SYNJ2: variants seen among roughly 807,000 people sequenced by gnomAD.
SYNJ2 encodes the protein polyphosphatidylinositol phosphatase SYNJ2.
SYNJ2 carries 116 observed loss-of-function variants against 141.3 expected under a neutral mutation model. That is an observed-to-expected ratio of 0.82 (90% CI 0.71 to 0.96). The LOEUF is 0.96. Ranked by LOEUF, SYNJ2 falls within the 40% of genes least tolerant of loss-of-function variation. SYNJ2 has a pLI of 0.00. For synonymous variants in SYNJ2, 745 were observed against 777.7 expected (o/e 0.96, Z 0.70); for missense variants, 1,873 against 1,934.8 (o/e 0.97, Z 0.60).
At chr6:158,006,697 G>A (rs376928883) in intron 1 of SYNJ2, among the ~76,000 whole-genome samples, 1 of 152,294 alleles carries the variant, frequency 6.6e-6, no homozygotes, top group East Asian at 1.9e-4. Flanking sequence ...GTTTGAGACG[G>A]AGTCTCACTC....
At chr6:158,093,926 C>T (rs767516723) in intron 26 of SYNJ2, 1 of 765,310 alleles carries the variant, frequency 1.3e-6, no homozygotes, top group Non-Finnish European at 2.4e-6. Flanking sequence ...CTCAGCCTTG[C>T]TTACTGCTTC....
chr6:158,020,533 C>T (rs1562329442), intron 2 of SYNJ2, among the ~76,000 whole-genome samples: 2 of 151,954 alleles, frequency 1.3e-5, no homozygotes, highest in African/African-American at 4.8e-5. Flanking sequence ...TGTACTGACT[C>T]TGTGTGACTG....
chr6:158,019,647 G>A (rs1379756236), intron 2 of SYNJ2, among the ~76,000 whole-genome samples: 5 of 152,228 alleles, frequency 3.3e-5, no homozygotes, highest in African/African-American at 9.6e-5. Flanking sequence ...AAGGGAATGA[G>A]GCTTCTTGTG....
chr6:158,037,974 G>A (rs948295096), intron 4 of SYNJ2, among the ~76,000 whole-genome samples: 9 of 152,206 alleles, frequency 5.9e-5, no homozygotes, highest in Non-Finnish European at 1.0e-4. Context: ...ACTTCGTGTC[G>A]CGTGCCTGCT....
intron 2 of SYNJ2, chr6:158,028,312 G>C (rs1279942068): frequency 5.4e-6 from 1 of 183,746 alleles, no homozygotes; most frequent in Non-Finnish European, 1.2e-5. Flanking sequence ...CCCAGGCCAG[G>C]GGTCCTGAGT....
Position 158,059,301 on chromosome 6 carries a change from T to A in SYNJ2, c.902T>A (p.Val301Glu). The A allele has an allele frequency of 6.4e-7, 1 of 1,550,906 alleles. No individual in the cohort carries two copies. The highest frequency in any genetic ancestry group is 1.2e-5 in the South Asian group (1 of 84,048). Residue 301 changes from valine (V) to glutamate (E), a missense_variant, in exon 7 of 27, where the codon GTG becomes GAG. By Grantham distance (121) the Val-to-Glu change is moderately radical (BLOSUM62 -2). Transcript: ENST00000355585. ...LKEQYGQQVVVNLLGSRGGEE... is the reference protein window; with the variant it reads ...LKEQYGQQVVENLLGSRGGEE... The stretch of plus-strand genomic sequence containing the variant: ...GAGCAGTACGGGCAGCAGGTGGTCG[T>A]GAACCTTCTGGGAAGCAGAGGCGGA...
At chr6:158,056,785 C>T (rs1026635930) in intron 6 of SYNJ2, among the ~76,000 whole-genome samples, 7 of 152,324 alleles carry the variant, frequency 4.6e-5, no homozygotes, top group South Asian at 2.1e-4. Flanking sequence ...TTCTTTCCCC[C>T]GCAAAACCTT....
At chr6:157,986,339 G>C (rs372150538) in intron 1 of SYNJ2, among the ~76,000 whole-genome samples, 3 of 152,206 alleles carry the variant, frequency 2.0e-5, no homozygotes, top group Non-Finnish European at 4.4e-5. Flanking sequence ...CTTCTCCCGC[G>C]GGTTTTGTTT....
intron 24 of SYNJ2, 52 bp downstream of exon 24, chr6:158,088,824 T>A: frequency 7.8e-7 from 1 of 1,284,284 alleles, no homozygotes; most frequent in Non-Finnish European, 1.1e-6. Flanking sequence ...CCCGGGATAG[T>A]GTGGGATCTC....
At chr6:158,010,121 T>A (rs1349370329) in intron 1 of SYNJ2, among the ~76,000 whole-genome samples, 3 of 152,144 alleles carry the variant, frequency 2.0e-5, no homozygotes, top group Admixed American at 6.5e-5. Flanking sequence ...AGTCTCCCTG[T>A]GTTGCCCAGG....
At chr6:158,068,198 T>C (rs975565539) in intron 12 of SYNJ2, among the ~76,000 whole-genome samples, 2 of 149,872 alleles carry the variant, frequency 1.3e-5, no homozygotes, top group Non-Finnish European at 3.0e-5. Context: ...AGGTTGCCCA[T>C]TGTGGTCAAC....
chr6:158,095,537 C>T lies in SYNJ2; in HGVS notation c.3745-81C>T, dbSNP rs181405404. On this transcript the variant is annotated intron_variant, in intron 26 of 26. Coordinates refer to ENST00000355585, the MANE Select transcript of SYNJ2 (RefSeq NM_003898.4). ...GTCAGCTTGGTCTCATCTCTGTTCT[C>T]TGCTGGCCACTCTGTTCTCTGATCC... The T allele has an allele frequency of 7.6e-4, 1,136 of 1,493,044 alleles. 3 individuals are homozygous for T. In the Middle Eastern group the frequency reaches 0.018, roughly 24 times the overall value. 92.5% of individuals were successfully genotyped at this position (1,493,044 alleles called of 1,614,324 possible). A position where few individuals can be genotyped will look rare whatever the true frequency, so the allele number is the denominator to read the frequency against.
chr6:158,011,884 T>G (rs1475904226), intron 1 of SYNJ2, among the ~76,000 whole-genome samples: 1 of 152,228 alleles, frequency 6.6e-6, no homozygotes, highest in Non-Finnish European at 1.5e-5. Context: ...CAAGGCTTTG[T>G]AAAGCTGCTA....
rs1261729593 is a variant in SYNJ2, at chr6:158,025,727, CAGATCACCTG to C, written c.215-3026_215-3017del. Among the ~76,000 whole-genome samples, 4 of 151,540 alleles carry C rather than the reference CAGATCACCTG, an allele frequency of 2.6e-5. No homozygotes were observed. In the East Asian group the frequency reaches 7.8e-4, roughly 30 times the overall value. On this transcript the variant is annotated intron_variant, in intron 2 of 26. Coordinates refer to ENST00000355585, the MANE Select transcript of SYNJ2 (RefSeq NM_003898.4). Reference sequence around the variant, plus strand: ...CAGCACTTTGGGAGGCCGAAGCAGGCAGATCACCTGAGGTCGGGAGTTTGAGACCAGCCTG... The same window carrying C: ...CAGCACTTTGGGAGGCCGAAGCAGGCAGGTCGGGAGTTTGAGACCAGCCTG...
intron 2 of SYNJ2, among the ~76,000 whole-genome samples, chr6:158,025,979 G>GCATGCATACATACATA (rs1554235783): frequency 6.7e-5 from 9 of 133,930 alleles, no homozygotes; most frequent in East Asian, 4.1e-4. Flanking sequence ...AATAATACAT[G>GCATGCATACATACATA]CATACATACA....
Position 158,043,446 on chromosome 6 carries a change from C to G in SYNJ2, c.795+47C>G, listed in dbSNP as rs1780062982. The G allele has an allele frequency of 7.3e-6, 10 of 1,364,940 alleles. No individual in the cohort carries two copies. Among genetic ancestry groups the G allele is most frequent in the Non-Finnish European group, 9.4e-6 (9 of 962,560 alleles). The allele number at this position is 1,364,940 out of a possible 1,614,324, so 84.6% of individuals were successfully genotyped here. A position where few individuals can be genotyped will look rare whatever the true frequency, so the allele number is the denominator to read the frequency against. ...ATGTCCCCTTGTGATGTTGTCCGCC[C>G]TGCCCTTCCCTTCAATAGCTGGGGA... On this transcript the variant is annotated intron_variant, in intron 5 of 26. Coordinates refer to ENST00000355585, the MANE Select transcript of SYNJ2 (RefSeq NM_003898.4). This position sits in a 1 kb window ranked among gnomAD's most constrained non-coding sequence, Gnocchi z 4.0.
chr6:158,048,356 G>T (rs1478297460), intron 5 of SYNJ2, among the ~76,000 whole-genome samples: 1 of 152,138 alleles, frequency 6.6e-6, no homozygotes, highest in African/African-American at 2.4e-5. Context: ...GTAACCCTTG[G>T]GTTCACAGTG....
chr6:158,083,949 C>T (rs2236401), intron 21 of SYNJ2, 52 bp from the exon 22 acceptor site: 807,841 of 1,592,014 alleles, frequency 0.51, 207,268 homozygotes, highest in African/African-American at 0.6. Context: ...GAAGACTGAG[C>T]CTTTCCCCCT....
intron 2 of SYNJ2, among the ~76,000 whole-genome samples, chr6:158,019,619 C>CCACCCCA (rs201235534): frequency 6.6e-6 from 1 of 152,158 alleles, no homozygotes; most frequent in Non-Finnish European, 1.5e-5. Flanking sequence ...CCAGTCCCCG[C>CCACCCCA]CACCCCACAC....
Sources: allele counts gnomAD v4.1 joint callset (sites outside exome capture counted in the v4.1 genomes callset), GRCh38; gene constraint gnomAD v4.1.1; non-coding constraint Gnocchi (gnomAD v3.1); transcripts MANE v1.5; gene names NCBI Gene and HGNC (gene_info 2026-07-23, HGNC 2026-07-21).